Variants in PACRG observed in about 807,000 individuals in gnomAD.
PACRG encodes parkin coregulated, also known as parkin coregulated gene protein.
PACRG carries 29 observed loss-of-function variants against 29.7 expected under a neutral mutation model. The ratio of observed to expected loss-of-function variants is 0.98; its 90% CI spans 0.73 to 1.33. The LOEUF (loss-of-function observed/expected upper bound fraction) is 1.33, where lower values mean the gene tolerates loss of function less well. PACRG is among the 40% of genes most tolerant of loss of function. PACRG has a pLI of 0.00. For missense variants in PACRG, 279 were observed against 316.2 expected (o/e 0.88, Z 0.89); for synonymous variants, 116 against 118.7 (o/e 0.98, Z 0.15).
chr6:163,040,835 C>T (rs1808626600), intron 2 of PACRG, among the ~76,000 whole-genome samples: 1 of 152,122 alleles, frequency 6.6e-6, no homozygotes, highest in Non-Finnish European at 1.5e-5. Context: ...CTTACAGGCT[C>T]ATAGGTGGAA....
intron 4 of PACRG, among the ~76,000 whole-genome samples, chr6:163,305,900 C>A (rs922920202): frequency 3.3e-5 from 5 of 152,190 alleles, no homozygotes; most frequent in Admixed American, 2.0e-4. Flanking sequence ...GGCTAAAGTT[C>A]TTCTGTAGGT....
At chr6:162,895,738 CAG>C (rs1795117119) in intron 2 of PACRG, among the ~76,000 whole-genome samples, 2 of 152,212 alleles carry the variant, frequency 1.3e-5, no homozygotes, top group Non-Finnish European at 2.9e-5. Flanking sequence ...AATAACTGCA[CAG>C]AGAGCATCCA....
chr6:163,196,919 CTAGA>C (rs1210398519), intron 4 of PACRG, among the ~76,000 whole-genome samples: 7 of 126,438 alleles, frequency 5.5e-5, no homozygotes, highest in Admixed American at 8.0e-5. Flanking sequence ...GACAGACAGA[CTAGA>C]CAGATAGATA....
intron 2 of PACRG, among the ~76,000 whole-genome samples, chr6:162,962,615 G>A (rs1800720539): frequency 1.3e-5 from 2 of 152,182 alleles, no homozygotes; most frequent in Admixed American, 1.3e-4. Context: ...TGAGGACACA[G>A]GGAGAAGGCA....
chr6:162,874,963 TCA>T (rs1187531615), intron 2 of PACRG, among the ~76,000 whole-genome samples: 5 of 151,208 alleles, frequency 3.3e-5, no homozygotes, highest in Non-Finnish European at 1.5e-5. Context: ...ATGCCTCCGG[TCA>T]CACACATTTA....
intron 2 of PACRG, among the ~76,000 whole-genome samples, chr6:162,881,455 A>G (rs1793833133): frequency 6.6e-6 from 1 of 152,220 alleles, no homozygotes; most frequent in Admixed American, 6.5e-5. Context: ...TGCTCCAGCA[A>G]CTACATGTGA....
At chr6:163,019,520 C>T (rs1336007433) in intron 2 of PACRG, among the ~76,000 whole-genome samples, 1 of 152,130 alleles carries the variant, frequency 6.6e-6, no homozygotes, top group Non-Finnish European at 1.5e-5. Context: ...AGATCCTTTT[C>T]AGACCTCGTC....
intron 2 of PACRG, among the ~76,000 whole-genome samples, chr6:162,943,657 G>T (rs1320202104): frequency 1.3e-5 from 2 of 152,074 alleles, no homozygotes; most frequent in Non-Finnish European, 2.9e-5. Context: ...ACTTAGCCTG[G>T]CTCCACCACC....
At chr6:163,181,660 T>C (rs1460929631) in intron 4 of PACRG, among the ~76,000 whole-genome samples, 1 of 151,460 alleles carries the variant, frequency 6.6e-6, no homozygotes, top group Non-Finnish European at 1.5e-5. Flanking sequence ...CAACCCTTTT[T>C]ATAGATGTAT....
intron 4 of PACRG, among the ~76,000 whole-genome samples, chr6:163,103,229 T>C (rs1452310708): frequency 1.3e-5 from 2 of 152,194 alleles, no homozygotes; most frequent in Non-Finnish European, 2.9e-5. Context: ...TCTAGGCTCA[T>C]CCCAGGTGTT....
intron 1 of PACRG, among the ~76,000 whole-genome samples, chr6:162,746,148 A>G (rs1780970710): frequency 1.3e-5 from 2 of 152,168 alleles, no homozygotes; most frequent in Admixed American, 6.5e-5. Flanking sequence ...GAAAATCTAC[A>G]GAGAAATATA....
At chr6:162,969,601 GGCCCCTGTCT>G (rs1335685895) in intron 2 of PACRG, among the ~76,000 whole-genome samples, 1 of 151,988 alleles carries the variant, frequency 6.6e-6, no homozygotes, top group Non-Finnish European at 1.5e-5. Context: ...CTCTCTTCCT[GGCCCCTGTCT>G]GCCCCTTGCT....
At chr6:162,785,866 G>A (rs1345483155) in intron 1 of PACRG, among the ~76,000 whole-genome samples, 1 of 152,178 alleles carries the variant, frequency 6.6e-6, no homozygotes, top group Non-Finnish European at 1.5e-5. Context: ...CCCCTACCAT[G>A]TAGGATAACA....
intron 4 of PACRG, among the ~76,000 whole-genome samples, chr6:163,280,025 C>A (rs562603179): frequency 1.4e-4 from 21 of 152,292 alleles, no homozygotes; most frequent in Non-Finnish European, 2.6e-4. Flanking sequence ...GTGAGCCCTC[C>A]CTCCAGAGGC....
intron 2 of PACRG, among the ~76,000 whole-genome samples, chr6:162,990,131 C>T (rs373260332): frequency 7.3e-5 from 11 of 151,690 alleles, no homozygotes; most frequent in East Asian, 2.0e-4. Context: ...CTTAATCCAG[C>T]CTATCATTGT....
intron 3 of PACRG, among the ~76,000 whole-genome samples, chr6:163,082,865 T>C (rs1416507223): frequency 2.0e-5 from 3 of 152,246 alleles, no homozygotes; most frequent in Non-Finnish European, 4.4e-5. Context: ...TTATCAATAA[T>C]ACTGGGCTTA....
At chr6:162,927,021 A>T (rs1374681363) in intron 2 of PACRG, among the ~76,000 whole-genome samples, 1 of 152,212 alleles carries the variant, frequency 6.6e-6, no homozygotes, top group Non-Finnish European at 1.5e-5. Context: ...TCTCAAAAGA[A>T]GATGTTTATG....
chr6:162,936,514 A>G (rs978155772), intron 2 of PACRG, among the ~76,000 whole-genome samples: 1 of 152,232 alleles, frequency 6.6e-6, no homozygotes, highest in African/African-American at 2.4e-5. Flanking sequence ...GTGCCTAAAA[A>G]TATACTCAGA....
intron 1 of PACRG, among the ~76,000 whole-genome samples, chr6:162,747,689 G>A (rs1781194769): frequency 6.6e-6 from 1 of 151,314 alleles, no homozygotes; most frequent in Non-Finnish European, 1.5e-5. Flanking sequence ...GAGCGAGCCA[G>A]GATAGGACTT....
Sources: allele counts gnomAD v4.1 joint callset (sites outside exome capture counted in the v4.1 genomes callset), GRCh38; gene constraint gnomAD v4.1.1; transcripts MANE v1.5; gene names NCBI Gene and HGNC (gene_info 2026-07-23, HGNC 2026-07-21).